The following DNAH11 variants were observed in gnomAD, a reference collection of about 807,000 sequenced individuals.
DNAH11 encodes the protein dynein axonemal heavy chain 11, also known as axonemal beta dynein heavy chain 11.
A neutral mutation model predicts 526.0 loss-of-function variants in DNAH11; 442 were observed. The ratio of observed to expected loss-of-function variants is 0.84; its 90% CI spans 0.78 to 0.91. The LOEUF (loss-of-function observed/expected upper bound fraction) is 0.91. DNAH11 is among the 40% of genes least tolerant of loss of function. The pLI is 0.00. For synonymous variants in DNAH11, 2,461 were observed against 1,935.9 expected, an observed-to-expected ratio of 1.27 and a Z score of -7.12; for missense variants, 6,989 against 5,448.7, an observed-to-expected ratio of 1.28 and a Z score of -8.90.
At chr7:21,595,726 G>A (rs1784836392) in intron 14 of DNAH11, among the ~76,000 whole-genome samples, 1 of 151,992 alleles carries the variant, frequency 6.6e-6, no homozygotes, top group African/African-American at 2.4e-5. Flanking sequence ...AATGAGAGGG[G>A]TCCAAACTGA....
chr7:21,762,768 A>C (rs1327138310), intron 54 of DNAH11, among the ~76,000 whole-genome samples: 1 of 152,212 alleles, frequency 6.6e-6, no homozygotes, highest in East Asian at 1.9e-4. Flanking sequence ...AAATAAATTA[A>C]AGACTTAAAT....
chr7:21,766,088 A>G (rs1459774039), intron 55 of DNAH11, among the ~76,000 whole-genome samples: 1 of 152,206 alleles, frequency 6.6e-6, no homozygotes, highest in Non-Finnish European at 1.5e-5. Context: ...CCACTAAGTC[A>G]AATAATATAT....
intron 42 of DNAH11, among the ~76,000 whole-genome samples, chr7:21,713,345 A>G (rs1784533117): frequency 6.6e-6 from 1 of 152,054 alleles, no homozygotes. Context: ...TTGGCCAATG[A>G]AGAATCCTGG....
At chr7:21,777,158 C>A (rs1583684032) in intron 56 of DNAH11, among the ~76,000 whole-genome samples, 3 of 152,118 alleles carry the variant, frequency 2.0e-5, no homozygotes, top group African/African-American at 7.2e-5. Flanking sequence ...ATAGTTTTGT[C>A]ATTTCAAAAA....
At chr7:21,872,124 A>AAAAAAAAAAAAAC (rs1783520250) in intron 73 of DNAH11, among the ~76,000 whole-genome samples, 1 of 85,622 alleles carries the variant, frequency 1.2e-5, no homozygotes, top group Non-Finnish European at 2.2e-5. Flanking sequence ...ACTCTGTCTC[A>AAAAAAAAAAAAAC]AAAAAAAAAA....
Position 21,899,333 on chromosome 7 carries a change from C to T in DNAH11, c.13050-3C>T. The T allele has an allele frequency of 6.2e-7, 1 of 1,613,096 alleles. No individual in the cohort carries two copies. Among genetic ancestry groups the T allele is most frequent in the Middle Eastern group, 1.7e-4 (1 of 6,060 alleles). On this transcript the variant is annotated splice_polypyrimidine_tract_variant and splice_region_variant and intron_variant, in intron 79 of 81. Coordinates refer to ENST00000409508, the MANE Select transcript of DNAH11 (RefSeq NM_001277115.2). ...GTTTTTCTTCCTCCCTCCCATAAAC[C>T]AGGTTCAATGACCTCCTCCTGCGAT...
At chr7:21,698,272 G>GGTAATT (rs1326735612) in intron 36 of DNAH11, 59 bp downstream of exon 36, 2 of 1,591,418 alleles carry the variant, frequency 1.3e-6, no homozygotes, top group African/African-American at 2.7e-5. Context: ...AGCTTTTGAA[G>GGTAATT]TATGGATTTT....
At chr7:21,888,984 A>AG (rs11381391) in intron 76 of DNAH11, among the ~76,000 whole-genome samples, 64,360 of 149,166 alleles carry the variant, frequency 0.43, 14,421 homozygotes, top group South Asian at 0.48. Flanking sequence ...GTTTTAGAAC[A>AG]GTTTATTACC....
chr7:21,686,558 T>C (rs761841436), intron 32 of DNAH11, among the ~76,000 whole-genome samples: 1 of 152,234 alleles, frequency 6.6e-6, no homozygotes, highest in Non-Finnish European at 1.5e-5. Flanking sequence ...AAGGAATTTG[T>C]AAAATATATT....
At chr7:21,751,276 A>G (rs1786401162) in intron 54 of DNAH11, among the ~76,000 whole-genome samples, 1 of 152,144 alleles carries the variant, frequency 6.6e-6, no homozygotes, top group Admixed American at 6.5e-5. Flanking sequence ...GTGAGCCAAG[A>G]TCGCGCCATT....
At chr7:21,644,637 G>T (rs1787269958) in intron 28 of DNAH11, among the ~76,000 whole-genome samples, 1 of 152,124 alleles carries the variant, frequency 6.6e-6, no homozygotes, top group African/African-American at 2.4e-5. Context: ...ACAGAAAAGG[G>T]GTCATGGTTT....
chr7:21,565,458 T>C (rs544776326), intron 6 of DNAH11, among the ~76,000 whole-genome samples: 50 of 152,330 alleles, frequency 3.3e-4, no homozygotes, highest in African/African-American at 1.1e-3. Flanking sequence ...TGATGTTATT[T>C]GCTCAATTTC....
In DNAH11 at chr7:21,545,511, A is replaced by G. The variant is rs528341154; in HGVS notation, c.495+362A>G. ...GCAGCAGGTTTTAAGCTTCACATTC[A>G]GAGTAGAGACAAATTTACACTTTGA... On this transcript the variant is annotated intron_variant, in intron 2 of 81. Coordinates refer to ENST00000409508, the MANE Select transcript of DNAH11 (RefSeq NM_001277115.2). Among the ~76,000 whole-genome samples the G allele has an allele frequency of 1.8e-4, 27 of 152,348 alleles. No individual in the cohort carries two copies. In the South Asian group the frequency reaches 5.4e-3, roughly 30 times the overall value.
intron 54 of DNAH11, among the ~76,000 whole-genome samples, chr7:21,755,128 G>A (rs1786571860): frequency 6.6e-6 from 1 of 152,190 alleles, no homozygotes. Flanking sequence ...CCCAAAGTCA[G>A]TTCCCACTTG....
chr7:21,646,168 A>AG (rs1787349739), intron 28 of DNAH11, among the ~76,000 whole-genome samples: 1 of 152,216 alleles, frequency 6.6e-6, no homozygotes, highest in South Asian at 2.1e-4. Context: ...AGTAAACATA[A>AG]GAAAGGTTGC....
Position 21,864,543 on chromosome 7 carries a change from GAGAA to G in DNAH11, c.11390_11393del (p.Lys3797ArgfsTer2). On this transcript the variant is annotated frameshift_variant, in exon 70 of 82. Transcript: ENST00000409508. LOFTEE classifies it high-confidence loss of function. ...TTTTGTCTACTCTCAAGATTTTGTT[GAGAA>G]AGAAAGAGATAGACCCTCTTGAATT... 6.2e-7 allele frequency: 1 copy of G among 1,610,660 alleles called. No individual in the cohort carries two copies. The highest frequency in any genetic ancestry group is 8.5e-7 in the Non-Finnish European group (1 of 1,178,442).
At chr7:21,646,625 A>C (rs1787366110) in intron 28 of DNAH11, among the ~76,000 whole-genome samples, 1 of 152,192 alleles carries the variant, frequency 6.6e-6, no homozygotes, top group African/African-American at 2.4e-5. Context: ...GGCCTGGGGA[A>C]AGAACTATCA....
Position 21,864,598 on chromosome 7 carries a change from G to A in DNAH11, c.11437G>A (p.Glu3813Lys), listed in dbSNP as rs777405986. 1 of 1,610,960 alleles carries A rather than the reference G, an allele frequency of 6.2e-7. No homozygotes were observed. Among genetic ancestry groups the A allele is most frequent in the East Asian group, 2.2e-5 (1 of 44,662 alleles). The change falls in exon 70 of 82, where the codon GAA becomes AAA. Residue 3813 changes from glutamate to lysine, a missense_variant. By Grantham distance (56) the Glu-to-Lys change is moderately conservative. Coordinates refer to ENST00000409508, the MANE Select transcript of DNAH11 (RefSeq NM_001277115.2). ...GGATTTCCTGCTTCGATTCACAGTT[G>A]AACACACTCATCTGAGTCCCGTTGA... ...ELDFLLRFTV[E>K]HTHLSPVDFL...
At chr7:21,549,603 G>A (rs1782943994) in intron 2 of DNAH11, among the ~76,000 whole-genome samples, 1 of 152,084 alleles carries the variant, frequency 6.6e-6, no homozygotes, top group Admixed American at 6.5e-5. Context: ...TTGGTTCTTG[G>A]TTTAGAAGAG....
Sources: allele counts gnomAD v4.1 joint callset (sites outside exome capture counted in the v4.1 genomes callset), GRCh38; gene constraint gnomAD v4.1.1; transcripts MANE v1.5; gene names NCBI Gene and HGNC (gene_info 2026-07-23, HGNC 2026-07-21).